REPS1: variants seen among roughly 807,000 people sequenced by gnomAD.
REPS1 encodes the protein ralBP1-associated Eps domain-containing protein 1.
REPS1 carries 39 observed loss-of-function variants against 100.9 expected under a neutral mutation model. The observed-to-expected ratio is 0.39, with a 90% CI of 0.30 to 0.50. REPS1 has a LOEUF of 0.50. REPS1 is among the 20% of genes least tolerant of loss of function. The pLI, the probability that REPS1 is intolerant of heterozygous loss-of-function variation, is 0.86. For synonymous variants in REPS1, 324 were observed against 340.3 expected (o/e 0.95, Z 0.53); for missense variants, 821 against 968.5 (o/e 0.85, Z 2.02).
chr6:138,926,617 C>G, intron 9 of REPS1, 136 bp from the exon 10 acceptor site: 1 of 630,784 alleles, frequency 1.6e-6, no homozygotes, highest in Non-Finnish European at 2.8e-6. Flanking sequence ...TCAGTAATTT[C>G]TATTTTTCCG....
chr6:138,964,339 T>C (rs17743155), intron 1 of REPS1, among the ~76,000 whole-genome samples: 16,189 of 152,130 alleles, frequency 0.11, 1,099 homozygotes, highest in Non-Finnish European at 0.16. Flanking sequence ...TGTCCTTAGG[T>C]AAAATTAACT....
At chr6:138,944,172 T>TA (rs1284535013) in intron 5 of REPS1, among the ~76,000 whole-genome samples, 157 bp from the exon 6 acceptor site, 1 of 152,236 alleles carries the variant, frequency 6.6e-6, no homozygotes, top group Non-Finnish European at 1.5e-5. Flanking sequence ...TTGGATATGT[T>TA]TTTGCACAAT....
intron 4 of REPS1, 80 bp from the exon 5 acceptor site, chr6:138,944,702 C>G: frequency 1.5e-6 from 2 of 1,355,064 alleles, no homozygotes; most frequent in Non-Finnish European, 2.0e-6. Context: ...AACTCTTACT[C>G]TGAAGAAATC....
chr6:138,946,730 T>G (rs2128477251), intron 2 of REPS1, among the ~76,000 whole-genome samples: 1 of 152,340 alleles, frequency 6.6e-6, no homozygotes, highest in South Asian at 2.1e-4. Context: ...TTTTAAAATC[T>G]TAATTTTTCT....
intron 13 of REPS1, among the ~76,000 whole-genome samples, chr6:138,916,365 C>T (rs1435420539): frequency 2.0e-5 from 3 of 151,530 alleles, no homozygotes; most frequent in African/African-American, 4.8e-5. Flanking sequence ...GGATTACAGG[C>T]GCATGCTACC....
intron 10 of REPS1, among the ~76,000 whole-genome samples, chr6:138,925,777 T>A (rs773868627): frequency 6.6e-6 from 1 of 152,204 alleles, no homozygotes; most frequent in Non-Finnish European, 1.5e-5. Context: ...GTAGCATATA[T>A]TAAATTAACT....
chr6:138,920,511 A>G (rs1780686870), intron 11 of REPS1, among the ~76,000 whole-genome samples, 195 bp from the exon 12 acceptor site: 1 of 152,250 alleles, frequency 6.6e-6, no homozygotes, highest in South Asian at 2.1e-4. Context: ...CTGCCATAAT[A>G]GAAGATAGTT....
At chr6:138,964,780 G>A (rs1783923997) in intron 1 of REPS1, among the ~76,000 whole-genome samples, 1 of 151,584 alleles carries the variant, frequency 6.6e-6, no homozygotes, top group Admixed American at 6.6e-5. Context: ...AGCACAGAAA[G>A]TTCAAATATA....
At chr6:138,969,342 A>G (rs1400542158) in intron 1 of REPS1, among the ~76,000 whole-genome samples, 1 of 125,986 alleles carries the variant, frequency 7.9e-6, no homozygotes, top group Non-Finnish European at 1.6e-5. Flanking sequence ...TCCAGGCTGG[A>G]GTGCAGTGGT....
At chr6:138,965,850 T>A (rs1238997574) in intron 1 of REPS1, among the ~76,000 whole-genome samples, 1 of 152,184 alleles carries the variant, frequency 6.6e-6, no homozygotes, top group Non-Finnish European at 1.5e-5. Flanking sequence ...CTCTCTTTTC[T>A]TACATTGAAA....
rs376451135 is a variant in REPS1, at chr6:138,933,672, T to C, written c.1136-3574A>G. Among the ~76,000 whole-genome samples the C allele has an allele frequency of 2.0e-5, 3 of 152,298 alleles. 1 individual carries two copies. On this transcript the variant is annotated intron_variant, in intron 8 of 19. Transcript: ENST00000450536. ...AGAAATTTGCAAAAATGTAAAATAA[T>C]GCCACCCCTTTTACAATTTTTTCTT... is the stretch of plus-strand genomic sequence containing the variant.
chr6:138,936,179 C>T (rs749493824), intron 8 of REPS1, among the ~76,000 whole-genome samples: 14 of 152,084 alleles, frequency 9.2e-5, no homozygotes, highest in Middle Eastern at 6.8e-3. Context: ...CTTACTAATC[C>T]GCTGAATTTG....
chr6:138,983,369 C>T (rs1785063614), intron 1 of REPS1, among the ~76,000 whole-genome samples: 1 of 152,060 alleles, frequency 6.6e-6, no homozygotes, highest in African/African-American at 2.4e-5. Context: ...GCAGAAGAAT[C>T]GCTTGAGCCT....
At chr6:138,972,226 A>AG (rs572313832) in intron 1 of REPS1, among the ~76,000 whole-genome samples, 3 of 152,182 alleles carry the variant, frequency 2.0e-5, no homozygotes, top group African/African-American at 2.4e-5. Flanking sequence ...TGTTTTGAAA[A>AG]GGGGGGCGGA....
intron 9 of REPS1, 53 bp from the exon 10 acceptor site, chr6:138,926,534 G>T (rs1228199523): frequency 1.6e-6 from 2 of 1,242,738 alleles, no homozygotes; most frequent in Non-Finnish European, 2.3e-6. Context: ...TGGAGTAAAA[G>T]ATCACTGGAG....
chr6:138,985,278 C>A (rs1785192707), intron 1 of REPS1, among the ~76,000 whole-genome samples: 1 of 152,176 alleles, frequency 6.6e-6, no homozygotes, highest in African/African-American at 2.4e-5. Context: ...CTTGGTCATA[C>A]CTCCTTAGCA....
chr6:138,910,207 G>A (rs979919862), intron 17 of REPS1, among the ~76,000 whole-genome samples: 1 of 152,068 alleles, frequency 6.6e-6, no homozygotes, highest in Non-Finnish European at 1.5e-5. Flanking sequence ...TAAAGAGCCT[G>A]GCATCTCTCC....
intron 17 of REPS1, 136 bp from the exon 18 acceptor site, chr6:138,908,952 T>C (rs75878586): frequency 2.6e-6 from 2 of 759,034 alleles, no homozygotes; most frequent in Non-Finnish European, 4.1e-6. Flanking sequence ...TAAATCTATA[T>C]ATTTGTGGCA....
intron 1 of REPS1, among the ~76,000 whole-genome samples, chr6:138,979,190 A>AC (rs1554298116): frequency 6.7e-6 from 1 of 148,642 alleles, no homozygotes; most frequent in East Asian, 2.0e-4. Context: ...CAAAAAAAAA[A>AC]AAAAAAACAA....
Sources: gnomAD v4.1 joint callset for allele counts (sites outside exome capture counted in the v4.1 genomes callset) on GRCh38, gnomAD v4.1.1 for gene constraint, MANE v1.5 for transcripts, NCBI Gene and HGNC (gene_info 2026-07-23, HGNC 2026-07-21) for gene names.